B3GALT4: variants seen among roughly 807,000 people sequenced by gnomAD.
The protein encoded by B3GALT4 is beta-1,3-galactosyltransferase 4.
B3GALT4 carries 1 observed loss-of-function variant against 1.6 expected under a neutral mutation model. The observed-to-expected ratio is 0.64, with a 90% CI of 0.23 to 3.05. The LOEUF is 3.05. Ranked by LOEUF, B3GALT4 falls within the 30% of genes most tolerant of loss-of-function variation. The probability of loss-of-function intolerance (pLI) is 0.21; values close to 1 mark genes in which losing one functional copy is unlikely to be tolerated. For synonymous variants in B3GALT4, 259 were observed against 222.6 expected, an observed-to-expected ratio of 1.16 and a Z score of -1.46; for missense variants, 441 against 486.9, an observed-to-expected ratio of 0.91 and a Z score of 0.89.
Position 33,278,482 on chromosome 6 carries a change from G to A in B3GALT4, c.1063G>A (p.Ala355Thr). The change falls in exon 1 of 1, where the codon GCG becomes ACG. Residue 355 changes from alanine to threonine, a missense_variant. Coordinates refer to ENST00000451237, the MANE Select transcript of B3GALT4 (RefSeq NM_003782.4). This position sits in a 1 kb window ranked among gnomAD's most constrained non-coding sequence, Gnocchi z 5.2. ...GGGTGGCTCTGACGGGGAAAGGACT[G>A]CGCCCTTTTGCTCCTGGTTCCAGGG... ...LVGGSDGERT[A>T]PFCSWFQGVL... 6.3e-7 allele frequency: 1 copy of A among 1,596,788 alleles called. No individual in the cohort carries two copies. Among genetic ancestry groups the A allele is most frequent in the Non-Finnish European group, 8.5e-7 (1 of 1,170,658 alleles).
Position 33,278,123 on chromosome 6 carries a change from AC to A in B3GALT4, c.708del (p.Ser237LeufsTer53). 6.2e-7 allele frequency: 1 copy of A among 1,613,284 alleles called. No homozygotes were observed. The highest frequency in any genetic ancestry group is 8.5e-7 in the Non-Finnish European group (1 of 1,179,830). On this transcript the variant is annotated frameshift_variant, in exon 1 of 1. Transcript: ENST00000451237. LOFTEE classifies it low-confidence loss of function (END_TRUNC). The surrounding 1 kb of genome is among the most constrained non-coding windows in gnomAD (Gnocchi z 5.2). ...LYLGRVHWRVNPSRTPGGRHR... is the reference protein window; with the variant it reads ...LYLGRVHWRVXPSRTPGGRHR... Reference sequence around the variant, plus strand: ...TTGGGCCGGGTGCACTGGCGCGTGAACCCCTCTCGGACACCGGGGGGCAGGC... The same window carrying A: ...TTGGGCCGGGTGCACTGGCGCGTGAACCCTCTCGGACACCGGGGGGCAGGC...
In B3GALT4 at chr6:33,277,701, G is replaced by A; in HGVS notation, c.282G>A (p.Trp94Ter). The A allele has an allele frequency of 6.2e-7, 1 of 1,613,924 alleles. No individual in the cohort carries two copies. ...AGAGAAACGCCATTCGGGCTTCGTG[G>A]GGCGGGCTGCGCGAGGCCCGGGGGC... ...LNQRNAIRAS[W>*]GGLREARGLR... is the part of the protein sequence containing the mutation. The change falls in exon 1 of 1, where the codon TGG (tryptophan) becomes TGA (stop). Residue 94 changes from tryptophan (W) to a stop codon, truncating the protein, a stop_gained. Transcript: ENST00000451237. LOFTEE classifies it low-confidence loss of function (END_TRUNC). The surrounding 1 kb of genome is among the most constrained non-coding windows in gnomAD (Gnocchi z 5.3).
In B3GALT4 at chr6:33,277,898, G is replaced by C; in HGVS notation, c.479G>C (p.Trp160Ser). 6.2e-7 allele frequency: 1 copy of C among 1,614,164 alleles called. No homozygotes were observed. The highest frequency in any genetic ancestry group is 8.5e-7 in the Non-Finnish European group (1 of 1,180,034). ...LTLKTLSGLN[W>S]AEKHCPMARY... ...CTAAAGACCCTCAGCGGGCTGAACT[G>C]GGCTGAGAAACACTGCCCCATGGCC... The change falls in exon 1 of 1, where the codon TGG (tryptophan) becomes TCG (serine). Residue 160 changes from tryptophan (W) to serine (S), a missense_variant. Physicochemically the swap from Trp to Ser is radical, Grantham distance 177 (BLOSUM62 -3). Coordinates refer to ENST00000451237, the MANE Select transcript of B3GALT4 (RefSeq NM_003782.4). The surrounding 1 kb of genome is among the most constrained non-coding windows in gnomAD (Gnocchi z 5.3).
At position 33,277,892 on chromosome 6, in the gene B3GALT4, T is replaced by C; in HGVS notation, c.473T>C (p.Leu158Pro). The change falls in exon 1 of 1, where the codon CTG becomes CCG. Residue 158 changes from leucine (L) to proline (P), a missense_variant. Leu to Pro is a moderately conservative substitution (Grantham distance 98). Coordinates refer to ENST00000451237, the MANE Select transcript of B3GALT4 (RefSeq NM_003782.4). This position sits in a 1 kb window ranked among gnomAD's most constrained non-coding sequence, Gnocchi z 5.3. ...RNLTLKTLSG[L>P]NWAEKHCPMA... ...CTCACCCTAAAGACCCTCAGCGGGC[T>C]GAACTGGGCTGAGAAACACTGCCCC... is the stretch of plus-strand genomic sequence containing the variant. 1 of 1,614,078 alleles carries C rather than the reference T, an allele frequency of 6.2e-7. No individual in the cohort carries two copies. Among genetic ancestry groups the C allele is most frequent in the Non-Finnish European group, 8.5e-7 (1 of 1,180,008 alleles).
chr6:33,278,592 C>A lies in B3GALT4; in HGVS notation c.*36C>A, dbSNP rs1407364311. 4 of 1,512,956 alleles carry A rather than the reference C, an allele frequency of 2.6e-6. No individual in the cohort carries two copies. The highest frequency in any genetic ancestry group is 3.5e-6 in the Non-Finnish European group (4 of 1,131,066). 93.7% of individuals were successfully genotyped at this position (1,512,956 alleles called of 1,614,324 possible). The stretch of plus-strand genomic sequence containing the variant: ...GGCCACAGGAAAGGCAGGAACAGGA[C>A]CTTCTCTCTCCCAGGCCCAACGCAG... On this transcript the variant is annotated 3_prime_UTR_variant, in exon 1 of 1. Coordinates refer to ENST00000451237, the MANE Select transcript of B3GALT4 (RefSeq NM_003782.4). The surrounding 1 kb of genome is among the most constrained non-coding windows in gnomAD (Gnocchi z 5.2).
chr6:33,277,934 T>A lies in B3GALT4; in HGVS notation c.515T>A (p.Leu172His). The change falls in exon 1 of 1, where the codon CTC becomes CAC. Residue 172 changes from leucine (L) to histidine (H), a missense_variant. Coordinates refer to ENST00000451237, the MANE Select transcript of B3GALT4 (RefSeq NM_003782.4). The surrounding 1 kb of genome is among the most constrained non-coding windows in gnomAD (Gnocchi z 5.3). ...CACTGCCCCATGGCCCGATACGTCC[T>A]CAAGACGGACGATGATGTGTATGTC... Reference protein sequence around the residue: ...EKHCPMARYVLKTDDDVYVNV... With the variant: ...EKHCPMARYVHKTDDDVYVNV... 1 of 1,614,104 alleles carries A rather than the reference T, an allele frequency of 6.2e-7. No homozygotes were observed. The highest frequency in any genetic ancestry group is 8.5e-7 in the Non-Finnish European group (1 of 1,180,024).
chr6:33,277,379 C>G lies in B3GALT4; in HGVS notation c.-41C>G, dbSNP rs1467584944. 1.3e-6 allele frequency: 2 copies of G among 1,589,718 alleles called. No homozygotes were observed. The highest frequency in any genetic ancestry group is 1.7e-6 in the Non-Finnish European group (2 of 1,171,544). ...GACCCAGGCCCGGGGAGCTAGTCTC[C>G]GCCCTTCGCTCTTACGGATCCCCTC... On this transcript the variant is annotated 5_prime_UTR_variant, in exon 1 of 1. Coordinates refer to ENST00000451237, the MANE Select transcript of B3GALT4 (RefSeq NM_003782.4). The surrounding 1 kb of genome is among the most constrained non-coding windows in gnomAD (Gnocchi z 5.3).
At position 33,277,296 on chromosome 6, in the gene B3GALT4, C is replaced by T. The variant is rs1765711298; in HGVS notation, c.-124C>T. On this transcript the variant is annotated 5_prime_UTR_variant, in exon 1 of 1. Coordinates refer to ENST00000451237, the MANE Select transcript of B3GALT4 (RefSeq NM_003782.4). The surrounding 1 kb of genome is among the most constrained non-coding windows in gnomAD (Gnocchi z 5.3). ...TCCCCGCCCCCCAGGGTGCGCTGGT[C>T]CCGGTCGCGCGCTCAGACCTCCGCA... 10 of 1,479,682 alleles carry T rather than the reference C, an allele frequency of 6.8e-6. No homozygotes were observed. Among genetic ancestry groups the T allele is most frequent in the Non-Finnish European group, 8.9e-6 (10 of 1,123,352 alleles). 91.7% of individuals were successfully genotyped at this position (1,479,682 alleles called of 1,614,324 possible). A position where few individuals can be genotyped will look rare whatever the true frequency, so the allele number is the denominator to read the frequency against.
rs749424878 is a variant in B3GALT4, at chr6:33,277,468, G to A, written c.49G>A (p.Val17Met). 8 of 1,612,788 alleles carry A rather than the reference G, an allele frequency of 5.0e-6. No homozygotes were observed. The highest frequency in any genetic ancestry group is 6.8e-6 in the Non-Finnish European group (8 of 1,179,986). Residue 17 changes from valine (V) to methionine (M), a missense_variant, in exon 1 of 1, where the codon GTG (valine) becomes ATG (methionine). Transcript: ENST00000451237. The surrounding 1 kb of genome is among the most constrained non-coding windows in gnomAD (Gnocchi z 5.3). ...CCTCCTTCTCGCCGCTTTGCTGCTG[G>A]TGATCGTCTGGACCCTCTTCGGGCC... ...RRLLLAALLL[V>M]IVWTLFGPSG... is the part of the protein sequence containing the mutation.
rs1562607520 is a variant in B3GALT4 at position 33,278,770 on chromosome 6, C to T, written c.*214C>T. The T allele has an allele frequency of 1.2e-6, 1 of 859,700 alleles. No individual in the cohort carries two copies. The highest frequency in any genetic ancestry group is 3.1e-5 in the East Asian group (1 of 32,470). The allele number at this position is 859,700 out of a possible 1,614,324, so 53.3% of individuals were successfully genotyped here. On this transcript the variant is annotated 3_prime_UTR_variant, in exon 1 of 1. Coordinates refer to ENST00000451237, the MANE Select transcript of B3GALT4 (RefSeq NM_003782.4). This position sits in a 1 kb window ranked among gnomAD's most constrained non-coding sequence, Gnocchi z 5.2. ...AAGAAAAAAATGCTGCAGTTGTTCT[C>T]TCAAGCTAGGGCAGAAGAGGGGTGT...
Position 33,278,678 on chromosome 6 carries a change from A to T in B3GALT4, c.*122A>T. ...TACCAGATCCTCAGTCTCACTAAAG[A>T]CAGCGATATGGGAGACACCCAGGGG... On this transcript the variant is annotated 3_prime_UTR_variant, in exon 1 of 1. Transcript: ENST00000451237. This position sits in a 1 kb window ranked among gnomAD's most constrained non-coding sequence, Gnocchi z 5.2. 3.6e-6 allele frequency: 5 copies of T among 1,399,152 alleles called. No homozygotes were observed. The highest frequency in any genetic ancestry group is 4.7e-6 in the Non-Finnish European group (5 of 1,071,274). 86.7% of individuals were successfully genotyped at this position (1,399,152 alleles called of 1,614,324 possible). A position where few individuals can be genotyped will look rare whatever the true frequency, so the allele number is the denominator to read the frequency against.
Position 33,278,631 on chromosome 6 carries a change from C to T in B3GALT4, c.*75C>T. 1 of 1,494,996 alleles carries T rather than the reference C, an allele frequency of 6.7e-7. No homozygotes were observed. 92.6% of individuals were successfully genotyped at this position (1,494,996 alleles called of 1,614,324 possible). ...GGCCCAACGCAGGGGCCCTCACTGG[C>T]TGCAGCTGATCTGTTTCCTTATACC... On this transcript the variant is annotated 3_prime_UTR_variant, in exon 1 of 1. Transcript: ENST00000451237. This position sits in a 1 kb window ranked among gnomAD's most constrained non-coding sequence, Gnocchi z 5.2.
chr6:33,278,651 T>C lies in B3GALT4; in HGVS notation c.*95T>C, dbSNP rs1018286998. ...ACTGGCTGCAGCTGATCTGTTTCCTTATACCAGATCCTCAGTCTCACTAAA... is the reference window on the plus strand; with the variant it reads ...ACTGGCTGCAGCTGATCTGTTTCCTCATACCAGATCCTCAGTCTCACTAAA... On this transcript the variant is annotated 3_prime_UTR_variant, in exon 1 of 1. Coordinates refer to ENST00000451237, the MANE Select transcript of B3GALT4 (RefSeq NM_003782.4). This position sits in a 1 kb window ranked among gnomAD's most constrained non-coding sequence, Gnocchi z 5.2. 5 of 1,464,642 alleles carry C rather than the reference T, an allele frequency of 3.4e-6. No homozygotes were observed. The highest frequency in any genetic ancestry group is 2.3e-4 in the Middle Eastern group (1 of 4,362). 90.7% of individuals were successfully genotyped at this position (1,464,642 alleles called of 1,614,324 possible).
At position 33,277,228 on chromosome 6, in the gene B3GALT4, C is replaced by G. The variant is rs1012024701; in HGVS notation, c.-192C>G. ...GAGGCCGCGGCGACAAGGTAGCCAC[C>G]CCCGCAGCATGCCTCGACCGCGGTC... On this transcript the variant is annotated 5_prime_UTR_variant, in exon 1 of 1. Transcript: ENST00000451237. The surrounding 1 kb of genome is among the most constrained non-coding windows in gnomAD (Gnocchi z 5.3). The G allele has an allele frequency of 5.1e-6, 5 of 971,288 alleles. No individual in the cohort carries two copies. Among genetic ancestry groups the G allele is most frequent in the Non-Finnish European group, 7.1e-6 (5 of 699,614 alleles). The allele number at this position is 971,288 out of a possible 1,614,324, so 60.2% of individuals were successfully genotyped here. A position where few individuals can be genotyped will look rare whatever the true frequency, so the allele number is the denominator to read the frequency against.
rs769759557 is a variant in B3GALT4, at chr6:33,278,294, T to C, written c.875T>C (p.Val292Ala). 1 of 1,613,928 alleles carries C rather than the reference T, an allele frequency of 6.2e-7. No homozygotes were observed. Residue 292 changes from valine to alanine, a missense_variant, in exon 1 of 1, where the codon GTC (valine) becomes GCC (alanine). Val to Ala is a moderately conservative substitution (Grantham distance 64). Coordinates refer to ENST00000451237, the MANE Select transcript of B3GALT4 (RefSeq NM_003782.4). This position sits in a 1 kb window ranked among gnomAD's most constrained non-coding sequence, Gnocchi z 5.2. ...GCACCCCTTCTCCCATTAGAGGATG[T>C]CTTTGTGGGGGTAAGTGCCCGACGA... ...SRAPLLPLEDVFVGVSARRGG... is the reference protein window; with the variant it reads ...SRAPLLPLEDAFVGVSARRGG...
chr6:33,277,730 G>A lies in B3GALT4; in HGVS notation c.311G>A (p.Arg104Lys). 6.2e-7 allele frequency: 1 copy of A among 1,613,820 alleles called. No individual in the cohort carries two copies. Among genetic ancestry groups the A allele is most frequent in the South Asian group, 1.1e-5 (1 of 91,082 alleles). Residue 104 changes from arginine to lysine, a missense_variant, in exon 1 of 1, where the codon AGG becomes AAG. Coordinates refer to ENST00000451237, the MANE Select transcript of B3GALT4 (RefSeq NM_003782.4). The surrounding 1 kb of genome is among the most constrained non-coding windows in gnomAD (Gnocchi z 5.3). Reference sequence around the variant, plus strand: ...GGGCTGCGCGAGGCCCGGGGGCTCAGGGTACAGACGCTATTCTTGCTGGGA... The same window carrying A: ...GGGCTGCGCGAGGCCCGGGGGCTCAAGGTACAGACGCTATTCTTGCTGGGA... ...WGGLREARGL[R>K]VQTLFLLGEP...
In B3GALT4 at chr6:33,277,374, G is replaced by C; in HGVS notation, c.-46G>C. The C allele has an allele frequency of 6.3e-7, 1 of 1,586,396 alleles. No individual in the cohort carries two copies. Among genetic ancestry groups the C allele is most frequent in the Non-Finnish European group, 8.5e-7 (1 of 1,170,314 alleles). On this transcript the variant is annotated 5_prime_UTR_variant, in exon 1 of 1. Coordinates refer to ENST00000451237, the MANE Select transcript of B3GALT4 (RefSeq NM_003782.4). The surrounding 1 kb of genome is among the most constrained non-coding windows in gnomAD (Gnocchi z 5.3). ...GCCGTGACCCAGGCCCGGGGAGCTA[G>C]TCTCCGCCCTTCGCTCTTACGGATC...
Position 33,278,746 on chromosome 6 carries a change from AG to A in B3GALT4, c.*191del. On this transcript the variant is annotated 3_prime_UTR_variant, in exon 1 of 1. Coordinates refer to ENST00000451237, the MANE Select transcript of B3GALT4 (RefSeq NM_003782.4). This position sits in a 1 kb window ranked among gnomAD's most constrained non-coding sequence, Gnocchi z 5.2. The stretch of plus-strand genomic sequence containing the variant: ...AAAGATGGTCATCGGGAAGAGAAAA[AG>A]AAAAAAATGCTGCAGTTGTTCTCTC... The A allele has an allele frequency of 9.3e-7, 1 of 1,076,288 alleles. No individual in the cohort carries two copies. The highest frequency in any genetic ancestry group is 1.2e-6 in the Non-Finnish European group (1 of 806,432). The allele number at this position is 1,076,288 out of a possible 1,614,324, so 66.7% of individuals were successfully genotyped here.
Position 33,277,984 on chromosome 6 carries a change from C to G in B3GALT4, c.565C>G (p.Leu189Val). 6.2e-7 allele frequency: 1 copy of G among 1,614,174 alleles called. No individual in the cohort carries two copies. Among genetic ancestry groups the G allele is most frequent in the Non-Finnish European group, 8.5e-7 (1 of 1,180,020 alleles). The change falls in exon 1 of 1, where the codon CTG becomes GTG. Residue 189 changes from leucine (L) to valine (V), a missense_variant. Physicochemically the swap from Leu to Val is conservative, Grantham distance 32. Coordinates refer to ENST00000451237, the MANE Select transcript of B3GALT4 (RefSeq NM_003782.4). This position sits in a 1 kb window ranked among gnomAD's most constrained non-coding sequence, Gnocchi z 5.3. The part of the protein sequence containing the change: ...YVNVPELVSE[L>V]VLRGGRWGQW... ...CAACGTCCCTGAACTGGTATCAGAG[C>G]TGGTCTTGCGAGGGGGCCGTTGGGG...
Sources: allele counts gnomAD v4.1 joint callset, GRCh38; gene constraint gnomAD v4.1.1; non-coding constraint Gnocchi (gnomAD v3.1); transcripts MANE v1.5; gene names NCBI Gene and HGNC (gene_info 2026-07-23, HGNC 2026-07-21).